Variants in COL18A1 observed in about 807,000 individuals in gnomAD.
COL18A1 encodes the protein collagen alpha-1(XVIII) chain.
COL18A1 carries 133 observed loss-of-function variants against 168.0 expected under a neutral mutation model. The ratio of observed to expected loss-of-function variants is 0.79; its 90% CI spans 0.69 to 0.91. The LOEUF (loss-of-function observed/expected upper bound fraction) is 0.91. Among genes scored for constraint, COL18A1 ranks in the 40% least tolerant of loss-of-function variants. The probability of loss-of-function intolerance (pLI) is 0.00; values close to 1 mark genes in which losing one functional copy is unlikely to be tolerated. For synonymous variants in COL18A1, 949 were observed against 809.0 expected, an observed-to-expected ratio of 1.17 and a Z score of -2.94; for missense variants, 2,126 against 1,925.4, an observed-to-expected ratio of 1.10 and a Z score of -1.95.
At chr21:45,437,107 A>ACT (rs1555972209) in intron 2 of COL18A1, among the ~76,000 whole-genome samples, 4 of 103,824 alleles carry the variant, frequency 3.9e-5, no homozygotes, top group African/African-American at 1.9e-4. Context: ...TCTCCTGCAC[A>ACT]CACACTCACA....
chr21:45,437,380 A>T, intron 2 of COL18A1, among the ~76,000 whole-genome samples: 1 of 124,760 alleles, frequency 8.0e-6, no homozygotes, highest in Non-Finnish European at 1.6e-5. Flanking sequence ...ACTCAGACAC[A>T]CAGGCACTCT....
At chr21:45,468,979 C>T (rs550639446) in intron 3 of COL18A1, among the ~76,000 whole-genome samples, 193 bp downstream of exon 3, 5 of 152,262 alleles carry the variant, frequency 3.3e-5, no homozygotes, top group Admixed American at 6.5e-5. Flanking sequence ...GCAGGCCTCC[C>T]GGGTTCTTGG....
At position 45,405,393 on chromosome 21, in the gene COL18A1, G is replaced by T. The variant is rs780315428; in HGVS notation, c.26G>T (p.Trp9Leu). Residue 9 changes from tryptophan (W) to leucine (L), a missense_variant, in exon 2 of 42, where the codon TGG (tryptophan) becomes TTG (leucine). By Grantham distance (61) the Trp-to-Leu change is moderately conservative. Coordinates refer to ENST00000651438, the MANE Select transcript of COL18A1 (RefSeq NM_001379500.1). Reference sequence around the variant, plus strand: ...GTCCCGCGCAGGTGCCCCTGGCCATGGCCGCGGCGGCGGCGCCTCCTGGAC... The same window carrying T: ...GTCCCGCGCAGGTGCCCCTGGCCATTGCCGCGGCGGCGGCGCCTCCTGGAC... MAPRCPWP[W>L]PRRRRLLDVL... The T allele has an allele frequency of 3.1e-6, 4 of 1,283,076 alleles. No individual in the cohort carries two copies. Among genetic ancestry groups the T allele is most frequent in the Admixed American group, 3.5e-5 (1 of 28,584 alleles). The allele number at this position is 1,283,076 out of a possible 1,614,324, so 79.5% of individuals were successfully genotyped here.
rs1170625759 is a variant in COL18A1 at position 45,482,220 on chromosome 21, C to T, written c.1674+195C>T. The T allele has an allele frequency of 4.8e-6, 3 of 624,772 alleles. 1 individual carries two copies. Among genetic ancestry groups the T allele is most frequent in the South Asian group, 3.6e-5 (2 of 56,262 alleles). 38.7% of individuals were successfully genotyped at this position (624,772 alleles called of 1,614,324 possible). On this transcript the variant is annotated intron_variant, in intron 14 of 41. Coordinates refer to ENST00000651438, the MANE Select transcript of COL18A1 (RefSeq NM_001379500.1). ...TGGGGCTTGGGTAGAAATTCATAAC[C>T]CTGTGATGATGAGTGGACTCACGGG... is the stretch of plus-strand genomic sequence containing the variant.
chr21:45,491,128 C>T (rs2036325431), intron 21 of COL18A1, 97 bp from the exon 22 acceptor site: 16 of 1,137,224 alleles, frequency 1.4e-5, no homozygotes, highest in South Asian at 2.5e-5. Context: ...CCTCACCCAC[C>T]GTGGGCTCTG....
rs1303011447 is a variant in COL18A1, at chr21:45,463,225, C to T, written c.107-5017C>T. ...CTCCCTGTCTGCACATCTGTGATCCCAGGCAACCTGATCAGAGCACAGGTT... is the reference window on the plus strand; with the variant it reads ...CTCCCTGTCTGCACATCTGTGATCCTAGGCAACCTGATCAGAGCACAGGTT... On this transcript the variant is annotated intron_variant, in intron 2 of 41. Coordinates refer to ENST00000651438, the MANE Select transcript of COL18A1 (RefSeq NM_001379500.1). This position sits in a 1 kb window ranked among gnomAD's most constrained non-coding sequence, Gnocchi z 4.0. Among the ~76,000 whole-genome samples, 4 of 152,236 alleles carry T rather than the reference C, an allele frequency of 2.6e-5. No homozygotes were observed. The highest frequency in any genetic ancestry group is 9.6e-5 in the African/African-American group (4 of 41,456).
chr21:45,494,327 C>T (rs886894657), intron 26 of COL18A1: 12 of 650,528 alleles, frequency 1.8e-5, no homozygotes, highest in East Asian at 1.1e-4. Flanking sequence ...ACCCCAAACC[C>T]GACCCTCCCC....
chr21:45,429,122 C>T (rs913418450), intron 2 of COL18A1, among the ~76,000 whole-genome samples: 8 of 152,074 alleles, frequency 5.3e-5, no homozygotes, highest in African/African-American at 9.7e-5. Flanking sequence ...AGGATGGTCT[C>T]GATCTTCCGA....
chr21:45,486,195 C>T (rs916042465), intron 15 of COL18A1, among the ~76,000 whole-genome samples: 13 of 152,216 alleles, frequency 8.5e-5, no homozygotes, highest in Admixed American at 5.9e-4. Context: ...ATGCCTGTGT[C>T]TACCCTAGCC....
rs369169804 is a variant in COL18A1 at position 45,458,753 on chromosome 21, G to A, written c.107-9489G>A. Among the ~76,000 whole-genome samples, 18 of 152,338 alleles carry A rather than the reference G, an allele frequency of 1.2e-4. No individual in the cohort carries two copies. In the East Asian group the frequency reaches 1.5e-3, roughly 13 times the overall value. On this transcript the variant is annotated intron_variant, in intron 2 of 41. Coordinates refer to ENST00000651438, the MANE Select transcript of COL18A1 (RefSeq NM_001379500.1). ...CAGACAGGACAGCGGTGGGCTGGGA[G>A]GGCTGCAGCCTGTGGGAGGGGAAAC... is the stretch of plus-strand genomic sequence containing the variant.
At chr21:45,506,357 G>T in intron 37 of COL18A1, 1 of 354,038 alleles carries the variant, frequency 2.8e-6, no homozygotes, top group Non-Finnish European at 5.5e-6. Flanking sequence ...CGGCTGGGGG[G>T]CAGGCTGTCC....
At chr21:45,507,501 G>C in intron 37 of COL18A1, 60 bp from the exon 38 acceptor site, 1 of 1,490,780 alleles carries the variant, frequency 6.7e-7, no homozygotes, top group Non-Finnish European at 9.1e-7. Context: ...GCTGGGCAGG[G>C]AGGGCACCCT....
chr21:45,432,478 C>T (rs2033990296), intron 2 of COL18A1, among the ~76,000 whole-genome samples: 1 of 152,244 alleles, frequency 6.6e-6, no homozygotes, highest in African/African-American at 2.4e-5. Context: ...GCTGGAGGCT[C>T]TGCAGACACA....
At chr21:45,495,138 G>A in intron 28 of COL18A1, 1 of 646,056 alleles carries the variant, frequency 1.5e-6, no homozygotes, top group Non-Finnish European at 2.8e-6. Flanking sequence ...AGGCAGACAG[G>A]GCAGTGGGCC....
chr21:45,455,695 G>A, intron 2 of COL18A1: 1 of 1,613,956 alleles, frequency 6.2e-7, no homozygotes, highest in Non-Finnish European at 8.5e-7. Context: ...TGCCTGTGCA[G>A]CCCACAGCAG....
chr21:45,407,126 G>C (rs926299338), intron 2 of COL18A1, among the ~76,000 whole-genome samples: 2 of 152,202 alleles, frequency 1.3e-5, no homozygotes, highest in Admixed American at 6.5e-5. Context: ...CAGGCCACCC[G>C]CAGCCCGGGT....
At chr21:45,450,942 C>T (rs1337132829) in intron 2 of COL18A1, among the ~76,000 whole-genome samples, 1 of 152,240 alleles carries the variant, frequency 6.6e-6, no homozygotes, top group Admixed American at 6.5e-5. Flanking sequence ...TGGGACAGCA[C>T]CCCCGGGTCC....
At position 45,471,013 on chromosome 21, in the gene COL18A1, G is replaced by C. The variant is rs991537624; in HGVS notation, c.651+2227G>C. Reference sequence around the variant, plus strand: ...GGCTTCGTGCTGCTGGGCCTGGGTGGCGTGCTACGGGCTTGTGCTGCTGGG... The same window carrying C: ...GGCTTCGTGCTGCTGGGCCTGGGTGCCGTGCTACGGGCTTGTGCTGCTGGG... On this transcript the variant is annotated intron_variant, in intron 3 of 41. Coordinates refer to ENST00000651438, the MANE Select transcript of COL18A1 (RefSeq NM_001379500.1). The surrounding 1 kb of genome is among the most constrained non-coding windows in gnomAD (Gnocchi z 4.4). Among the ~76,000 whole-genome samples, 1 of 140,220 alleles carries C rather than the reference G, an allele frequency of 7.1e-6. No individual in the cohort carries two copies. Among genetic ancestry groups the C allele is most frequent in the Non-Finnish European group, 1.5e-5 (1 of 66,360 alleles). 92.0% of individuals were successfully genotyped at this position (140,220 alleles called of 152,430 possible).
intron 32 of COL18A1, among the ~76,000 whole-genome samples, chr21:45,499,218 G>A (rs2236479): frequency 0.4 from 61,169 of 152,204 alleles, 12,687 homozygotes; most frequent in African/African-American, 0.49. Context: ...TTCAGAACGA[G>A]GATGACATGC....
Sources: allele counts gnomAD v4.1 joint callset (sites outside exome capture counted in the v4.1 genomes callset), GRCh38; gene constraint gnomAD v4.1.1; non-coding constraint Gnocchi (gnomAD v3.1); transcripts MANE v1.5; gene names NCBI Gene and HGNC (gene_info 2026-07-23, HGNC 2026-07-21).